Variants in SLC25A26 observed in about 807,000 individuals in gnomAD.
SLC25A26 encodes solute carrier family 25 member 26.
In SLC25A26, 36 loss-of-function variants were observed where a neutral mutation model predicts 37.8. The observed-to-expected ratio is 0.95, with a 90% CI of 0.73 to 1.26. The LOEUF (loss-of-function observed/expected upper bound fraction) is 1.26, where lower values mean the gene tolerates loss of function less well. Among genes scored for constraint, SLC25A26 ranks in the 50% most tolerant of loss-of-function variants. The pLI, the probability that SLC25A26 is intolerant of heterozygous loss-of-function variation, is 0.00. For synonymous variants in SLC25A26, 129 were observed against 122.5 expected (o/e 1.05, Z -0.35); for missense variants, 390 against 331.1 (o/e 1.18, Z -1.38).
At chr3:66,165,224 C>T (rs779748195) in intron 1 of SLC25A26, among the ~76,000 whole-genome samples, 5 of 152,170 alleles carry the variant, frequency 3.3e-5, no homozygotes, top group African/African-American at 9.7e-5. Flanking sequence ...GCGAGTGAGC[C>T]GCCCTGGAAG....
At chr3:66,214,355 G>A (rs2071330443) in intron 1 of SLC25A26, among the ~76,000 whole-genome samples, 3 of 152,218 alleles carry the variant, frequency 2.0e-5, no homozygotes, top group African/African-American at 7.2e-5. Flanking sequence ...GCAGAACCGT[G>A]AGCCAAATAA....
intron 5 of SLC25A26, among the ~76,000 whole-genome samples, chr3:66,281,223 G>A (rs796360737): frequency 4.6e-5 from 7 of 152,252 alleles, no homozygotes; most frequent in African/African-American, 1.4e-4. Context: ...TTCTCATTGA[G>A]TTATACCAGG....
At chr3:66,263,474 A>G (rs2073614707) in intron 5 of SLC25A26, 95 bp downstream of exon 5, 3 of 797,152 alleles carry the variant, frequency 3.8e-6, no homozygotes, top group Non-Finnish European at 6.2e-6. Context: ...ATATTTGGAG[A>G]AACTTGGTTT....
At chr3:66,370,696 T>G (rs1056347768) in intron 9 of SLC25A26, 94 bp downstream of exon 9, 5 of 943,842 alleles carry the variant, frequency 5.3e-6, no homozygotes, top group Admixed American at 4.7e-5. Context: ...TCCCTTCTGC[T>G]TATGTTCTGC....
chr3:66,169,983 T>C (rs1402888740), intron 1 of SLC25A26, among the ~76,000 whole-genome samples: 1 of 152,206 alleles, frequency 6.6e-6, no homozygotes, highest in African/African-American at 2.4e-5. Context: ...TGGCTGAGGC[T>C]GACTTGCTGC....
chr3:66,357,195 C>A (rs1378004146), intron 6 of SLC25A26, among the ~76,000 whole-genome samples: 1 of 152,120 alleles, frequency 6.6e-6, no homozygotes, highest in East Asian at 1.9e-4. Flanking sequence ...GGGAGGATCA[C>A]TTGAGATCAG....
At chr3:66,276,789 G>A (rs1302116436) in intron 5 of SLC25A26, among the ~76,000 whole-genome samples, 1 of 151,644 alleles carries the variant, frequency 6.6e-6, no homozygotes, top group Non-Finnish European at 1.5e-5. Context: ...TTTTTGTGAG[G>A]ATTTTTTTTT....
chr3:66,189,922 C>G (rs989965764), intron 1 of SLC25A26, among the ~76,000 whole-genome samples: 9 of 152,174 alleles, frequency 5.9e-5, no homozygotes, highest in Non-Finnish European at 1.3e-4. Flanking sequence ...ACCTCAGCTT[C>G]TCAAAGTACT....
At chr3:66,355,699 T>A (rs574110628) in intron 6 of SLC25A26, among the ~76,000 whole-genome samples, 1 of 152,352 alleles carries the variant, frequency 6.6e-6, no homozygotes, top group South Asian at 2.1e-4. Flanking sequence ...GATAAAATTA[T>A]AGGCAGCTGT....
chr3:66,326,186 A>G (rs767800653), intron 5 of SLC25A26, among the ~76,000 whole-genome samples: 32 of 152,166 alleles, frequency 2.1e-4, no homozygotes, highest in African/African-American at 3.4e-4. Flanking sequence ...GCTTCAGCCT[A>G]TGGGCTAGAT....
intron 5 of SLC25A26, among the ~76,000 whole-genome samples, chr3:66,321,181 A>G (rs1049306413): frequency 5.3e-5 from 8 of 152,246 alleles, no homozygotes; most frequent in Non-Finnish European, 1.2e-4. Flanking sequence ...ACTTGATATT[A>G]ATGCAAATTC....
At chr3:66,245,561 G>C (rs1377712522) in intron 3 of SLC25A26, among the ~76,000 whole-genome samples, 1 of 150,770 alleles carries the variant, frequency 6.6e-6, no homozygotes, top group Non-Finnish European at 1.5e-5. Flanking sequence ...AAAAGTAATG[G>C]CATATGTTTA....
chr3:66,369,647 A>T, intron 8 of SLC25A26, 105 bp downstream of exon 8: 1 of 968,236 alleles, frequency 1.0e-6, no homozygotes, highest in Non-Finnish European at 1.6e-6. Context: ...ATTTACCTGT[A>T]ATAGCATCTT....
intron 5 of SLC25A26, among the ~76,000 whole-genome samples, chr3:66,299,224 C>G (rs1443284996): frequency 2.6e-5 from 4 of 152,120 alleles, no homozygotes; most frequent in Non-Finnish European, 5.9e-5. Flanking sequence ...CAAAGTTTCC[C>G]TCTGTCACCC....
At position 66,305,601 on chromosome 3, in the gene SLC25A26, G is replaced by A. The variant is rs1429217580; in HGVS notation, c.454-40763G>A. Among the ~76,000 whole-genome samples the A allele has an allele frequency of 2.0e-5, 3 of 152,022 alleles. No individual in the cohort carries two copies. In the East Asian group the frequency reaches 5.8e-4, roughly 29 times the overall value. ...GCATGCATTAGCCATCTTTCCTAAT[G>A]CTCCCCTTCCCCCCACCCCACCCTG... On this transcript the variant is annotated intron_variant, in intron 5 of 9. Coordinates refer to ENST00000354883, the MANE Select transcript of SLC25A26 (RefSeq NM_001379210.1).
chr3:66,367,283 A>T (rs1277088923), intron 7 of SLC25A26, among the ~76,000 whole-genome samples: 1 of 152,198 alleles, frequency 6.6e-6, no homozygotes, highest in East Asian at 1.9e-4. Context: ...AACTGAGGCC[A>T]CTAGGAGACC....
chr3:66,262,795 T>A (rs1449162824), intron 4 of SLC25A26, among the ~76,000 whole-genome samples: 1 of 152,214 alleles, frequency 6.6e-6, no homozygotes, highest in Non-Finnish European at 1.5e-5. Context: ...GAAGCTAGTA[T>A]AACTTCCCCG....
In SLC25A26 at chr3:66,273,606, A is replaced by G. The variant is rs149493626; in HGVS notation, c.453+10227A>G. The stretch of plus-strand genomic sequence containing the variant: ...AAATCACAAGCATTCTTATACACCA[A>G]TAATAGACAGAGAGCCAAATCATGA... On this transcript the variant is annotated intron_variant, in intron 5 of 9. Coordinates refer to ENST00000354883, the MANE Select transcript of SLC25A26 (RefSeq NM_001379210.1). Among the ~76,000 whole-genome samples the G allele has an allele frequency of 5.9e-3, 904 of 152,234 alleles. 5 individuals are homozygous for G. Among genetic ancestry groups the G allele is most frequent in the Non-Finnish European group, 9.7e-3 (657 of 67,976 alleles).
intron 1 of SLC25A26, among the ~76,000 whole-genome samples, chr3:66,226,375 C>G (rs936558371): frequency 6.6e-6 from 1 of 152,168 alleles, no homozygotes; most frequent in Admixed American, 6.5e-5. Flanking sequence ...GATTCAATTA[C>G]CTCCCACCAG....
Sources: allele counts gnomAD v4.1 joint callset (sites outside exome capture counted in the v4.1 genomes callset), GRCh38; gene constraint gnomAD v4.1.1; transcripts MANE v1.5; gene names NCBI Gene and HGNC (gene_info 2026-07-23, HGNC 2026-07-21).